Variants in KCNIP4 observed in about 807,000 individuals in gnomAD.
KCNIP4 encodes Kv channel-interacting protein 4.
In KCNIP4, 12 loss-of-function variants were observed where a neutral mutation model predicts 34.0. The observed-to-expected ratio is 0.35, with a 90% CI of 0.23 to 0.57. The LOEUF (loss-of-function observed/expected upper bound fraction) is 0.57, where lower values mean the gene tolerates loss of function less well. KCNIP4 is among the 20% of genes least tolerant of loss of function. The pLI is 0.83. For missense variants in KCNIP4, 238 were observed against 311.7 expected (o/e 0.76, Z 1.78); for synonymous variants, 124 against 102.2 (o/e 1.21, Z -1.29).
At chr4:21,552,650 G>A (rs531357417) in intron 1 of KCNIP4, among the ~76,000 whole-genome samples, 4 of 152,136 alleles carry the variant, frequency 2.6e-5, no homozygotes, top group African/African-American at 9.7e-5. Context: ...GCGGGATAGA[G>A]GTTGAGGAGG....
intron 1 of KCNIP4, among the ~76,000 whole-genome samples, chr4:20,885,523 T>C (rs1725201933): frequency 6.6e-6 from 1 of 152,114 alleles, no homozygotes; most frequent in South Asian, 2.1e-4. Flanking sequence ...CCATCAACTA[T>C]CCTTGAAAAA....
intron 1 of KCNIP4, among the ~76,000 whole-genome samples, chr4:21,304,359 C>T (rs1712189283): frequency 6.6e-6 from 1 of 152,174 alleles, no homozygotes; most frequent in Non-Finnish European, 1.5e-5. Context: ...TCACCAGGAA[C>T]GTCCCGAGGA....
intron 1 of KCNIP4, among the ~76,000 whole-genome samples, chr4:21,603,848 G>C (rs906259453): frequency 3.3e-5 from 5 of 151,984 alleles, no homozygotes; most frequent in African/African-American, 1.2e-4. Flanking sequence ...CATGTCTAAG[G>C]ATTTGCACAT....
rs189551282 is a variant in KCNIP4, at chr4:21,166,267, T to C, written c.62-283558A>G. Among the ~76,000 whole-genome samples the C allele has an allele frequency of 4.6e-5, 7 of 152,244 alleles. No homozygotes were observed. The East Asian group carries it at 1.4e-3, about 29-fold the overall frequency. On this transcript the variant is annotated intron_variant, in intron 1 of 8. Coordinates refer to ENST00000382152, the MANE Select transcript of KCNIP4 (RefSeq NM_025221.6). ...AATGGACAAGAGTTTGAGCAGACAC[T>C]TCCACCAACAAAGATGTACAAAGGG...
At chr4:21,039,990 G>A (rs901253569) in intron 1 of KCNIP4, among the ~76,000 whole-genome samples, 2 of 152,146 alleles carry the variant, frequency 1.3e-5, no homozygotes, top group Non-Finnish European at 2.9e-5. Flanking sequence ...AAGGGGAAGA[G>A]CTATGTCTTA....
chr4:21,704,429 C>T (rs1367609081), intron 1 of KCNIP4, among the ~76,000 whole-genome samples: 1 of 152,014 alleles, frequency 6.6e-6, no homozygotes, highest in Non-Finnish European at 1.5e-5. Flanking sequence ...AGACAACATA[C>T]AGAGTGAAAG....
chr4:21,037,340 A>AGCTCCACTCATAGTAAGT (rs1741541424), intron 1 of KCNIP4, among the ~76,000 whole-genome samples: 1 of 152,182 alleles, frequency 6.6e-6, no homozygotes, highest in Non-Finnish European at 1.5e-5. Context: ...CAGTCCTGCA[A>AGCTCCACTCATAGTAAGT]GCTCCACTCA....
At chr4:21,539,880 G>A (rs1737529474) in intron 1 of KCNIP4, among the ~76,000 whole-genome samples, 1 of 151,916 alleles carries the variant, frequency 6.6e-6, no homozygotes, top group Non-Finnish European at 1.5e-5. Flanking sequence ...TCGGAAGGCT[G>A]AAGCAGGAGA....
At chr4:21,254,932 A>C (rs1760960718) in intron 1 of KCNIP4, among the ~76,000 whole-genome samples, 2 of 152,220 alleles carry the variant, frequency 1.3e-5, no homozygotes, top group South Asian at 4.1e-4. Context: ...GTCACCAGAT[A>C]ATCACTGCCA....
At chr4:21,868,494 C>A (rs1445708918) in intron 1 of KCNIP4, among the ~76,000 whole-genome samples, 1 of 152,122 alleles carries the variant, frequency 6.6e-6, no homozygotes, top group East Asian at 1.9e-4. Context: ...TTTCAAAAGA[C>A]CTAACTTCTA....
At chr4:21,930,006 C>T (rs1184362562) in intron 1 of KCNIP4, among the ~76,000 whole-genome samples, 1 of 152,084 alleles carries the variant, frequency 6.6e-6, no homozygotes, top group Admixed American at 6.6e-5. Context: ...CTATTCTCCT[C>T]CTAAGTGACC....
In KCNIP4 at chr4:21,749,357, A is replaced by G. The variant is rs1839526; in HGVS notation, c.61+199214T>C. 2.2e-3 allele frequency among the ~76,000 whole-genome samples: 331 copies of G among 152,190 alleles called. 2 individuals are homozygous for G. The highest frequency in any genetic ancestry group is 3.0e-3 in the Non-Finnish European group (201 of 68,000). On this transcript the variant is annotated intron_variant, in intron 1 of 8. Transcript: ENST00000382152. ...TAGGAGCATTTTGTCAATGTTGGGT[A>G]ATTAGTTTCCACGATGATCGCTGTC...
At chr4:21,272,633 T>C (rs1452722162) in intron 1 of KCNIP4, among the ~76,000 whole-genome samples, 5 of 152,200 alleles carry the variant, frequency 3.3e-5, no homozygotes, top group Admixed American at 3.3e-4. Flanking sequence ...TGAAGGAGGC[T>C]AATCCAAGTA....
intron 1 of KCNIP4, among the ~76,000 whole-genome samples, chr4:21,054,162 AAGG>A (rs1743189306): frequency 6.6e-6 from 1 of 152,166 alleles, no homozygotes. Flanking sequence ...CACAATATTG[AAGG>A]AGAAGAACAA....
intron 1 of KCNIP4, among the ~76,000 whole-genome samples, chr4:21,193,394 C>T (rs6821318): frequency 0.51 from 77,548 of 151,650 alleles, 21,993 homozygotes; most frequent in African/African-American, 0.78. Flanking sequence ...TACTTGCTAG[C>T]TGGCACAGTG....
intron 1 of KCNIP4, among the ~76,000 whole-genome samples, chr4:20,992,621 C>T (rs749162352): frequency 1.2e-4 from 19 of 152,216 alleles, no homozygotes; most frequent in East Asian, 3.9e-4. Context: ...TCACCCGGAT[C>T]GGATCATTTT....
At position 21,825,459 on chromosome 4, in the gene KCNIP4, C is replaced by G. The variant is rs573400800; in HGVS notation, c.61+123112G>C. ...ATACACTCTGTTGAATAGGAAATTT[C>G]CATCATAATGCTTGTGTAAGATATT... On this transcript the variant is annotated intron_variant, in intron 1 of 8. Coordinates refer to ENST00000382152, the MANE Select transcript of KCNIP4 (RefSeq NM_025221.6). Among the ~76,000 whole-genome samples the G allele has an allele frequency of 5.3e-5, 8 of 152,218 alleles. No homozygotes were observed. The East Asian group carries it at 1.5e-3, about 29-fold the overall frequency.
At chr4:21,403,137 C>T (rs1723682961) in intron 1 of KCNIP4, among the ~76,000 whole-genome samples, 2 of 152,180 alleles carry the variant, frequency 1.3e-5, no homozygotes, top group African/African-American at 4.8e-5. Flanking sequence ...CCCCTGGATA[C>T]AGTAAGATAC....
At chr4:21,734,375 CA>C (rs2109117288) in intron 1 of KCNIP4, among the ~76,000 whole-genome samples, 1 of 151,830 alleles carries the variant, frequency 6.6e-6, no homozygotes, top group African/African-American at 2.4e-5. Context: ...AACAGATTTT[CA>C]GCTACTAATA....
Sources: allele counts gnomAD v4.1 joint callset (sites outside exome capture counted in the v4.1 genomes callset), GRCh38; gene constraint gnomAD v4.1.1; transcripts MANE v1.5; gene names NCBI Gene and HGNC (gene_info 2026-07-23, HGNC 2026-07-21).